The following VOPP1 variants were observed in gnomAD, a reference collection of about 807,000 sequenced individuals.
VOPP1 encodes VOPP1 WW domain binding protein, also known as WW domain binding protein VOPP1.
A neutral mutation model predicts 23.5 loss-of-function variants in VOPP1; 8 were observed. The ratio of observed to expected loss-of-function variants is 0.34; its 90% CI spans 0.20 to 0.61. VOPP1 has a LOEUF of 0.61. Among genes scored for constraint, VOPP1 ranks in the 20% least tolerant of loss-of-function variants. The probability of loss-of-function intolerance (pLI) is 0.78; values close to 1 mark genes in which losing one functional copy is unlikely to be tolerated. For missense variants in VOPP1, 174 were observed against 238.1 expected, an observed-to-expected ratio of 0.73 and a Z score of 1.77; for synonymous variants, 83 against 97.3, an observed-to-expected ratio of 0.85 and a Z score of 0.86.
chr7:55,497,739 C>T (rs148360132), intron 2 of VOPP1, 49 bp from the exon 3 acceptor site: 15 of 1,551,898 alleles, frequency 9.7e-6, no homozygotes, highest in Middle Eastern at 1.7e-4. Flanking sequence ...AAGCAGCCAC[C>T]GGACCAGCCA....
chr7:55,491,104 C>A (rs1179564379), intron 4 of VOPP1, among the ~76,000 whole-genome samples: 1 of 152,214 alleles, frequency 6.6e-6, no homozygotes, highest in Non-Finnish European at 1.5e-5. Flanking sequence ...TTAAGACCTA[C>A]AACCTGATGA....
intron 1 of VOPP1, among the ~76,000 whole-genome samples, chr7:55,560,939 T>G (rs1320336080): frequency 6.6e-6 from 1 of 152,210 alleles, no homozygotes; most frequent in Non-Finnish European, 1.5e-5. Flanking sequence ...TCACTCATGA[T>G]GCACTGCCAT....
intron 1 of VOPP1, chr7:55,521,566 C>T (rs775077318): frequency 3.8e-5 from 38 of 990,368 alleles, no homozygotes; most frequent in South Asian, 4.6e-5. Flanking sequence ...ATGCTAAAGC[C>T]GCATTCCGAC....
chr7:55,501,967 T>C (rs1166681867), intron 2 of VOPP1, among the ~76,000 whole-genome samples: 2 of 152,222 alleles, frequency 1.3e-5, no homozygotes, highest in African/African-American at 4.8e-5. Flanking sequence ...GAGGTATTAA[T>C]ACTTGGGTCC....
intron 1 of VOPP1, among the ~76,000 whole-genome samples, chr7:55,539,069 T>C (rs951407316): frequency 7.2e-6 from 1 of 138,638 alleles, no homozygotes; most frequent in Non-Finnish European, 1.5e-5. Flanking sequence ...GGGTGCCGGG[T>C]GTGATGGCTC....
intron 3 of VOPP1, among the ~76,000 whole-genome samples, chr7:55,496,317 G>C (rs1203864108): frequency 6.6e-6 from 1 of 151,950 alleles, no homozygotes; most frequent in Non-Finnish European, 1.5e-5. Context: ...TCCGGAGCAA[G>C]GCCTGCCCTG....
chr7:55,520,909 C>T lies in VOPP1; in HGVS notation c.113+163G>A, dbSNP rs1039987594. Reference sequence around the variant, plus strand: ...ACTGGTCTGAGTGGGCCAGACACCACGGTGAGGTCACCTGCTCATCCCCCA... The same window carrying T: ...ACTGGTCTGAGTGGGCCAGACACCATGGTGAGGTCACCTGCTCATCCCCCA... On this transcript the variant is annotated intron_variant, in intron 2 of 4. Transcript: ENST00000285279. Among the ~76,000 whole-genome samples, 12 of 152,336 alleles carry T rather than the reference C, an allele frequency of 7.9e-5. No homozygotes were observed. In the East Asian group the frequency reaches 1.5e-3, roughly 20 times the overall value.
intron 1 of VOPP1, among the ~76,000 whole-genome samples, chr7:55,523,287 T>A (rs531410924): frequency 2.6e-5 from 4 of 152,290 alleles, no homozygotes; most frequent in African/African-American, 9.6e-5. Flanking sequence ...AACGTGTACA[T>A]TTGGCCTGCT....
intron 2 of VOPP1, among the ~76,000 whole-genome samples, chr7:55,502,904 A>G (rs1221414438): frequency 1.3e-5 from 2 of 152,348 alleles, no homozygotes; most frequent in East Asian, 3.9e-4. Flanking sequence ...AAACTGTCAG[A>G]CTTGCCATAG....
At chr7:55,495,019 T>C (rs1034818192) in intron 3 of VOPP1, among the ~76,000 whole-genome samples, 4 of 152,130 alleles carry the variant, frequency 2.6e-5, no homozygotes, top group South Asian at 2.1e-4. Context: ...CTGGTTACTT[T>C]AATTCAATTT....
intron 1 of VOPP1, among the ~76,000 whole-genome samples, chr7:55,545,862 A>G (rs1797343709): frequency 6.6e-6 from 1 of 151,976 alleles, no homozygotes; most frequent in Non-Finnish European, 1.5e-5. Context: ...TGAGCCCAGG[A>G]GTTTGAGACC....
At chr7:55,473,763 T>G (rs564876164) in intron 4 of VOPP1, among the ~76,000 whole-genome samples, 1 of 152,326 alleles carries the variant, frequency 6.6e-6, no homozygotes, top group Non-Finnish European at 1.5e-5. Context: ...AAATAAAGAA[T>G]CAGACAAAAC....
intron 1 of VOPP1, chr7:55,561,936 A>G (rs1396973505): frequency 1.4e-6 from 1 of 703,098 alleles, no homozygotes; most frequent in Non-Finnish European, 2.6e-6. Context: ...CAGTCAAAGG[A>G]ATGGGAAAAC....
chr7:55,489,207 T>C (rs557402876), intron 4 of VOPP1, among the ~76,000 whole-genome samples: 8 of 152,336 alleles, frequency 5.3e-5, no homozygotes, highest in African/African-American at 1.7e-4. Context: ...TGATGGAAAC[T>C]GTACACTACC....
rs1479730769 is a variant in VOPP1, at chr7:55,572,471, C to T, written c.-147G>A. ...GGCCCGGCTGGGAGCGGGCGGGAGC[C>T]GGGGCGCGCCGCGCAGCCCTGGCTG... On this transcript the variant is annotated 5_prime_UTR_variant, in exon 1 of 5. Transcript: ENST00000285279. 2.6e-6 allele frequency: 1 copy of T among 377,518 alleles called. No homozygotes were observed. Among genetic ancestry groups the T allele is most frequent in the African/African-American group, 2.2e-5 (1 of 45,120 alleles). 23.4% of individuals were successfully genotyped at this position (377,518 alleles called of 1,614,324 possible). A position where few individuals can be genotyped will look rare whatever the true frequency, so the allele number is the denominator to read the frequency against.
At chr7:55,467,210 G>A (rs1583822886), downstream of VOPP1, among the ~76,000 whole-genome samples, 1 of 152,224 alleles carries the variant, frequency 6.6e-6, no homozygotes, top group South Asian at 2.1e-4. Context: ...GTACTGGTCT[G>A]CAGCCTGAGG....
intron 2 of VOPP1, among the ~76,000 whole-genome samples, chr7:55,502,912 T>C (rs117821834): frequency 0.012 from 1,778 of 152,260 alleles, 12 homozygotes; most frequent in Middle Eastern, 0.02. Context: ...AGACTTGCCA[T>C]AGAAAGGAAG....
At chr7:55,443,574 A>C (rs62457879) in intron 4 of VOPP1, among the ~76,000 whole-genome samples, 23,266 of 151,700 alleles carry the variant, frequency 0.15, 2,049 homozygotes, top group Middle Eastern at 0.28. Context: ...ACAAAACCAA[A>C]CAAACAAACA....
chr7:55,542,739 G>A (rs189463108), intron 1 of VOPP1, among the ~76,000 whole-genome samples: 9 of 151,482 alleles, frequency 5.9e-5, no homozygotes, highest in Admixed American at 3.9e-4. Context: ...GCAGTGAACC[G>A]AGATCGTGCC....
Sources: allele counts gnomAD v4.1 joint callset (sites outside exome capture counted in the v4.1 genomes callset), GRCh38; gene constraint gnomAD v4.1.1; transcripts MANE v1.5; gene names NCBI Gene and HGNC (gene_info 2026-07-23, HGNC 2026-07-21).